Variants in RYR2 observed in about 807,000 individuals in gnomAD.
RYR2 encodes cardiac muscle ryanodine receptor-calcium release channel.
In RYR2, 227 loss-of-function variants were observed where a neutral mutation model predicts 601.1. The observed-to-expected ratio is 0.38, with a 90% CI of 0.34 to 0.42. The LOEUF is 0.42. Among genes scored for constraint, RYR2 ranks in the 10% least tolerant of loss-of-function variants. RYR2 has a pLI of 1.00. For synonymous variants in RYR2, 2,223 were observed against 2,175.1 expected (o/e 1.02, Z -0.61); for missense variants, 4,646 against 6,156.5 (o/e 0.75, Z 8.21).
At chr1:237,420,699 T>C (rs1390595510) in intron 11 of RYR2, among the ~76,000 whole-genome samples, 1 of 152,172 alleles carries the variant, frequency 6.6e-6, no homozygotes. Flanking sequence ...CACTGGTACA[T>C]ATGAGTTCTA....
intron 1 of RYR2, among the ~76,000 whole-genome samples, chr1:237,107,191 A>G (rs1188991010): frequency 6.6e-6 from 1 of 152,164 alleles, no homozygotes; most frequent in Non-Finnish European, 1.5e-5. Flanking sequence ...GACAACATAT[A>G]CTTTATATAT....
chr1:237,829,230 TAAAA>T (rs1476683889), intron 102 of RYR2, among the ~76,000 whole-genome samples: 1 of 152,188 alleles, frequency 6.6e-6, no homozygotes, highest in East Asian at 1.9e-4. Flanking sequence ...ATTTGCATTT[TAAAA>T]AGATAACTAT....
At chr1:237,546,771 T>G (rs1669851366) in intron 25 of RYR2, among the ~76,000 whole-genome samples, 2 of 152,040 alleles carry the variant, frequency 1.3e-5, no homozygotes, top group South Asian at 4.1e-4. Flanking sequence ...TTAAAAAAGT[T>G]ATTTATTGCT....
At chr1:237,361,351 A>G (rs114798463) in intron 4 of RYR2, among the ~76,000 whole-genome samples, 2,024 of 152,256 alleles carry the variant, frequency 0.013, 18 homozygotes, top group South Asian at 0.028. Context: ...AGTTTACCTG[A>G]TATTTCCTCA....
chr1:237,354,363 G>A (rs996381953), intron 3 of RYR2, among the ~76,000 whole-genome samples: 4 of 151,554 alleles, frequency 2.6e-5, no homozygotes, highest in Non-Finnish European at 3.0e-5. Context: ...GTGTGTGTAT[G>A]CATGTGTGAA....
intron 18 of RYR2, among the ~76,000 whole-genome samples, chr1:237,492,490 T>G (rs1663472452): frequency 6.6e-6 from 1 of 152,166 alleles, no homozygotes; most frequent in African/African-American, 2.4e-5. Flanking sequence ...ACTGGAGGAA[T>G]GCATTTGCTT....
At chr1:237,747,656 T>C (rs1692195677) in intron 80 of RYR2, among the ~76,000 whole-genome samples, 1 of 152,238 alleles carries the variant, frequency 6.6e-6, no homozygotes, top group Non-Finnish European at 1.5e-5. Context: ...TAAGATATAC[T>C]GCCCTCCATG....
rs146249203 is a variant in RYR2 at position 237,435,591 on chromosome 1, G to A, written c.1006-5728G>A. 5.9e-5 allele frequency among the ~76,000 whole-genome samples: 9 copies of A among 152,250 alleles called. No homozygotes were observed. In the East Asian group the frequency reaches 1.5e-3, roughly 26 times the overall value. ...GTTTTACAGAAGATAGAGAAATTCA[G>A]TTATAGTTGTATGCTGGTCTTTTTT... On this transcript the variant is annotated intron_variant, in intron 12 of 104. Coordinates refer to ENST00000366574, the MANE Select transcript of RYR2 (RefSeq NM_001035.3).
chr1:237,603,417 G>A (rs920958361), intron 35 of RYR2, among the ~76,000 whole-genome samples: 41 of 152,148 alleles, frequency 2.7e-4, no homozygotes, highest in Non-Finnish European at 5.0e-4. Context: ...CACTGACCCC[G>A]TGAGGTGGCC....
intron 1 of RYR2, among the ~76,000 whole-genome samples, chr1:237,127,940 A>G (rs1247161265): frequency 1.3e-5 from 2 of 149,388 alleles, no homozygotes; most frequent in Non-Finnish European, 3.0e-5. Flanking sequence ...ATCCCAGACG[A>G]TGGGCGGCCA....
intron 1 of RYR2, among the ~76,000 whole-genome samples, chr1:237,139,648 G>T (rs1171351555): frequency 6.6e-6 from 1 of 152,166 alleles, no homozygotes; most frequent in Non-Finnish European, 1.5e-5. Flanking sequence ...GAGGTACTTG[G>T]TGTCTATCTC....
chr1:237,656,310 A>T (rs1465274401), intron 53 of RYR2, among the ~76,000 whole-genome samples: 1 of 152,044 alleles, frequency 6.6e-6, no homozygotes, highest in African/African-American at 2.4e-5. Context: ...ACGACAATCA[A>T]CCTCTATATA....
intron 85 of RYR2, among the ~76,000 whole-genome samples, chr1:237,771,305 GGAGGCTGGGGCAGGAGGATTGCTT>G (rs1198940317): frequency 6.6e-6 from 1 of 151,940 alleles, no homozygotes; most frequent in East Asian, 1.9e-4. Flanking sequence ...CATCTACTTG[GGAGGCTGGGGCAGGAGGATTGCTT>G]GAGGCCAGGA....
intron 3 of RYR2, among the ~76,000 whole-genome samples, chr1:237,337,823 T>A (rs1697393483): frequency 6.6e-6 from 1 of 152,184 alleles, no homozygotes; most frequent in South Asian, 2.1e-4. Flanking sequence ...CTGAAGCCCC[T>A]AGCTATAGTT....
Position 237,424,117 on chromosome 1 carries a change from C to T in RYR2, c.1005+869C>T, listed in dbSNP as rs565606338. On this transcript the variant is annotated intron_variant, in intron 12 of 104. Coordinates refer to ENST00000366574, the MANE Select transcript of RYR2 (RefSeq NM_001035.3). ...CCATGATCCAGTCACGTCTTTCCCT[C>T]GAGACGTGGAGATTACAAATTGAGA... is the stretch of plus-strand genomic sequence containing the variant. Among the ~76,000 whole-genome samples the T allele has an allele frequency of 1.1e-4, 17 of 152,180 alleles. No individual in the cohort carries two copies. In the South Asian group the frequency reaches 1.9e-3, roughly 17 times the overall value.
intron 2 of RYR2, among the ~76,000 whole-genome samples, chr1:237,312,403 G>A (rs905538233): frequency 1.3e-5 from 2 of 152,090 alleles, no homozygotes; most frequent in Non-Finnish European, 2.9e-5. Context: ...TAATCTTGTG[G>A]CCATGTACTT....
intron 2 of RYR2, among the ~76,000 whole-genome samples, chr1:237,285,114 C>T (rs1352015348): frequency 6.6e-6 from 1 of 152,060 alleles, no homozygotes; most frequent in African/African-American, 2.4e-5. Context: ...TTCCAGTTCT[C>T]AGATGGAATG....
At chr1:237,051,787 G>GCCTCA (rs922824960) in intron 1 of RYR2, among the ~76,000 whole-genome samples, 2 of 152,162 alleles carry the variant, frequency 1.3e-5, no homozygotes, top group Admixed American at 1.3e-4. Context: ...GCAGACACAG[G>GCCTCA]CAGTGGAGCG....
intron 58 of RYR2, among the ~76,000 whole-genome samples, chr1:237,669,302 T>C (rs551069027): frequency 4.9e-4 from 74 of 151,662 alleles, no homozygotes; most frequent in East Asian, 2.1e-3. Context: ...GGCAACCATC[T>C]GATTTCTCAA....
Sources: allele counts gnomAD v4.1 joint callset (sites outside exome capture counted in the v4.1 genomes callset), GRCh38; gene constraint gnomAD v4.1.1; transcripts MANE v1.5; gene names NCBI Gene and HGNC (gene_info 2026-07-23, HGNC 2026-07-21).